ZPR1: variants seen among roughly 807,000 people sequenced by gnomAD.
ZPR1 encodes zinc finger protein ZPR1.
ZPR1 carries 37 observed loss-of-function variants against 59.6 expected under a neutral mutation model. The observed-to-expected ratio is 0.62, with a 90% CI of 0.48 to 0.82. The LOEUF (loss-of-function observed/expected upper bound fraction) is 0.82, where lower values mean the gene tolerates loss of function less well. ZPR1 is among the 40% of genes least tolerant of loss of function. The pLI is 0.00. For synonymous variants in ZPR1, 191 were observed against 215.2 expected, an observed-to-expected ratio of 0.89 and a Z score of 0.99; for missense variants, 527 against 579.9, an observed-to-expected ratio of 0.91 and a Z score of 0.94.
chr11:116,783,717 G>C (rs552191424), intron 9 of ZPR1, 98 bp from the exon 10 acceptor site: 1 of 926,976 alleles, frequency 1.1e-6, no homozygotes, highest in Non-Finnish European at 1.7e-6. Context: ...AATCAGTTAG[G>C]GCCATTAATA....
At chr11:116,785,974 C>A in intron 4 of ZPR1, 92 bp from the exon 5 acceptor site, 2 of 1,091,112 alleles carry the variant, frequency 1.8e-6, no homozygotes, top group Admixed American at 1.8e-5. Flanking sequence ...TAGGAAGTCA[C>A]CACCTATCTC....
Position 116,776,501 on chromosome 11 carries a change from C to T in ZPR1, c.*2424G>A, listed in dbSNP as rs1250371791. 6.6e-6 allele frequency: 1 copy of T among 152,198 alleles called. No homozygotes were observed. The highest frequency in any genetic ancestry group is 1.5e-5 in the Non-Finnish European group (1 of 68,056). The allele number at this position is 152,198 out of a possible 1,614,324, so 9.4% of individuals were successfully genotyped here. On this transcript the variant is annotated 3_prime_UTR_variant, in exon 14 of 14. Transcript: ENST00000227322. ...CTATATGTAAGCTCCCATCCTGACA[C>T]ACTTTATGAAATGAGAAAGGAGCTG...
Position 116,782,238 on chromosome 11 carries a change from T to C in ZPR1, c.1099A>G (p.Lys367Glu), listed in dbSNP as rs373537056. 6.2e-7 allele frequency: 1 copy of C among 1,613,906 alleles called. No individual in the cohort carries two copies. The highest frequency in any genetic ancestry group is 1.3e-5 in the African/African-American group (1 of 74,918). Reference sequence around the variant, plus strand: ...CTGTCGCCCAGTGTGAAAGGATTTTTGGTCACCTGCAATAAATGATAATCC... The same window carrying C: ...CTGTCGCCCAGTGTGAAAGGATTTTCGGTCACCTGCAATAAATGATAATCC... ...LLKDIRELVTKNPFTLGDSSN... is the reference protein window; with the variant it reads ...LLKDIRELVTENPFTLGDSSN... Residue 367 changes from lysine (K) to glutamate (E), a missense_variant, in exon 12 of 14, where the codon AAA (lysine) becomes GAA (glutamate). Lys to Glu is a moderately conservative substitution (Grantham distance 56). Transcript: ENST00000227322.
chr11:116,780,901 A>G (rs1940794976), intron 12 of ZPR1, among the ~76,000 whole-genome samples: 1 of 152,256 alleles, frequency 6.6e-6, no homozygotes, highest in African/African-American at 2.4e-5. Context: ...ATGTCAAAAA[A>G]GATCCAACAT....
intron 12 of ZPR1, among the ~76,000 whole-genome samples, chr11:116,781,312 T>C (rs1275747981): frequency 6.6e-6 from 1 of 152,058 alleles, no homozygotes; most frequent in African/African-American, 2.4e-5. Context: ...AAAATACATC[T>C]ACCAAGTGCT....
At position 116,777,200 on chromosome 11, in the gene ZPR1, G is replaced by A. The variant is rs1591306261; in HGVS notation, c.*1725C>T. The A allele has an allele frequency of 2.0e-5, 3 of 152,216 alleles. No individual in the cohort carries two copies. Among genetic ancestry groups the A allele is most frequent in the Non-Finnish European group, 4.4e-5 (3 of 68,030 alleles). 9.4% of individuals were successfully genotyped at this position (152,216 alleles called of 1,614,324 possible). On this transcript the variant is annotated 3_prime_UTR_variant, in exon 14 of 14. Transcript: ENST00000227322. ...GGGAAAACCAAGGGTACAGTATCTC[G>A]AGAGCCAAAAGAAGGGTTAAGAAGA...
chr11:116,781,998 C>G (rs553071581), intron 12 of ZPR1, among the ~76,000 whole-genome samples, 160 bp downstream of exon 12: 141 of 149,822 alleles, frequency 9.4e-4, no homozygotes, highest in Non-Finnish European at 1.8e-3. Context: ...GGCAACAGAA[C>G]GAGACTCTGT....
intron 13 of ZPR1, 56 bp downstream of exon 13, chr11:116,779,716 T>C: frequency 1.5e-6 from 2 of 1,324,150 alleles, no homozygotes; most frequent in Middle Eastern, 1.8e-4. Context: ...ATGATACATA[T>C]TCAAGGAAGA....
At chr11:116,786,184 A>T (rs1940884786) in intron 4 of ZPR1, among the ~76,000 whole-genome samples, 1 of 152,228 alleles carries the variant, frequency 6.6e-6, no homozygotes, top group Non-Finnish European at 1.5e-5. Flanking sequence ...GGAGACAAAT[A>T]ACTAAAGATG....
At position 116,785,802 on chromosome 11, in the gene ZPR1, G is replaced by A. The variant is rs1319637258; in HGVS notation, c.576C>T (p.Phe192=). 6.2e-7 allele frequency: 1 copy of A among 1,614,126 alleles called. No homozygotes were observed. Among genetic ancestry groups the A allele is most frequent in the African/African-American group, 1.3e-5 (1 of 75,068 alleles). Residue 192 remains phenylalanine, a synonymous_variant, in exon 5 of 14, where the codon TTC becomes TTT. Transcript: ENST00000227322. ...CCAGCCTCTCAATACTCACCAGAGT[G>A]AAAGGGGAGGCTACTTGCTTTAGCT... ...LKELKQVASP[F]TLIIDDPSGN... is the part of the protein sequence containing the mutation.
In ZPR1 at chr11:116,779,090, G is replaced by A. The variant is rs75198898; in HGVS notation, c.1246-31C>T. 5,392 of 1,610,448 alleles carry A rather than the reference G, an allele frequency of 3.3e-3. 152 individuals carry two copies. The East Asian group carries it at 0.071, about 21-fold the overall frequency. On this transcript the variant is annotated intron_variant, in intron 13 of 13. Transcript: ENST00000227322. ...AGGTCAAGGAGAGACAATCAGTGCC[G>A]CTGTGCCACTCCCCCTCTCTGCAGG...
In ZPR1 at chr11:116,783,624, A is replaced by G. The variant is rs1438485159; in HGVS notation, c.892-5T>C. ...TACTGCTCCTCCAGATTTCACCTGC[A>G]TCGATAACAGTCAGGAGCAACAGAG... On this transcript the variant is annotated splice_region_variant and splice_polypyrimidine_tract_variant and intron_variant, in intron 9 of 13. Transcript: ENST00000227322. 1.2e-5 allele frequency: 20 copies of G among 1,613,428 alleles called. No homozygotes were observed. Among genetic ancestry groups the G allele is most frequent in the Admixed American group, 6.7e-5 (4 of 59,996 alleles).
rs746292050 is a variant in ZPR1, at chr11:116,776,445, T to G, written c.*2480A>C. 2 of 152,270 alleles carry G rather than the reference T, an allele frequency of 1.3e-5. No homozygotes were observed. Among genetic ancestry groups the G allele is most frequent in the Non-Finnish European group, 2.9e-5 (2 of 68,056 alleles). The allele number at this position is 152,270 out of a possible 1,614,324, so 9.4% of individuals were successfully genotyped here. ...CAGATTTTATTAACCATGTGTCATA[T>G]GCTGGGTGCTGTGGAGCAAGACTCA... On this transcript the variant is annotated 3_prime_UTR_variant, in exon 14 of 14. Transcript: ENST00000227322.
At chr11:116,783,245 G>A (rs536674210) in intron 10 of ZPR1, among the ~76,000 whole-genome samples, 22 of 152,268 alleles carry the variant, frequency 1.4e-4, no homozygotes, top group African/African-American at 5.1e-4. Context: ...TCATAGCTTC[G>A]AGCTGTCAGG....
intron 8 of ZPR1, 35 bp downstream of exon 8, chr11:116,784,820 G>A (rs1940859448): frequency 5.0e-6 from 8 of 1,607,018 alleles, no homozygotes; most frequent in South Asian, 1.1e-5. Context: ...GCCTGAGTCA[G>A]ATGAAGAGCA....
chr11:116,781,524 A>G (rs555989484), intron 12 of ZPR1, among the ~76,000 whole-genome samples: 34 of 152,364 alleles, frequency 2.2e-4, no homozygotes, highest in African/African-American at 8.2e-4. Flanking sequence ...CGAAATTCTG[A>G]TAAAAAATTA....
At position 116,787,914 on chromosome 11, in the gene ZPR1, G is replaced by A; in HGVS notation, c.77C>T (p.Pro26Leu). 1 of 1,515,202 alleles carries A rather than the reference G, an allele frequency of 6.6e-7. No individual in the cohort carries two copies. The highest frequency in any genetic ancestry group is 2.6e-5 in the East Asian group (1 of 38,178). 93.9% of individuals were successfully genotyped at this position (1,515,202 alleles called of 1,614,324 possible). A position where few individuals can be genotyped will look rare whatever the true frequency, so the allele number is the denominator to read the frequency against. Residue 26 changes from proline to leucine, a missense_variant, in exon 1 of 14, where the codon CCT (proline) becomes CTT (leucine). Pro to Leu is a moderately conservative substitution (Grantham distance 98, BLOSUM62 -3). Transcript: ENST00000227322. ...GGGCCGGAACAGGTGATCAGGGGCA[G>A]GCGGCGGGGCCGGGGCGGGCGACGG... The part of the protein sequence containing the change: ...VAPSPAPAPP[P>L]APDHLFRPIS...
chr11:116,780,462 T>C (rs966238737), intron 12 of ZPR1, among the ~76,000 whole-genome samples: 3 of 150,366 alleles, frequency 2.0e-5, no homozygotes, highest in Non-Finnish European at 3.0e-5. Flanking sequence ...TCTTGAGTCC[T>C]TTCCCTCTAC....
At position 116,787,644 on chromosome 11, in the gene ZPR1, C is replaced by A; in HGVS notation, c.172-1G>T. 1 of 1,608,656 alleles carries A rather than the reference C, an allele frequency of 6.2e-7. No homozygotes were observed. The highest frequency in any genetic ancestry group is 8.5e-7 in the Non-Finnish European group (1 of 1,175,510). On this transcript the variant is annotated splice_acceptor_variant, in intron 1 of 13. Transcript: ENST00000227322. LOFTEE classifies it high-confidence loss of function. ...TGGTGAGCAGGAGGCGCGTCATGCC[C>A]TGGTGAAGTAGAAAGTAGCTAAGGA...
Sources: allele counts gnomAD v4.1 joint callset (sites outside exome capture counted in the v4.1 genomes callset), GRCh38; gene constraint gnomAD v4.1.1; transcripts MANE v1.5; gene names NCBI Gene and HGNC (gene_info 2026-07-23, HGNC 2026-07-21).